TG: variants seen among roughly 807,000 people sequenced by gnomAD.
TG encodes thyroglobulin.
TG carries 270 observed loss-of-function variants against 324.7 expected under a neutral mutation model. The observed-to-expected ratio is 0.83, with a 90% CI of 0.75 to 0.92. The LOEUF (loss-of-function observed/expected upper bound fraction) is 0.92. Ranked by LOEUF, TG falls within the 40% of genes least tolerant of loss-of-function variation. The pLI is 0.00. For synonymous variants in TG, 1,401 were observed against 1,327.0 expected, an observed-to-expected ratio of 1.06 and a Z score of -1.21; for missense variants, 3,591 against 3,456.4, an observed-to-expected ratio of 1.04 and a Z score of -0.98.
At chr8:132,898,387 A>G in intron 13 of TG, 141 bp downstream of exon 13, 1 of 835,184 alleles carries the variant, frequency 1.2e-6, no homozygotes, top group Non-Finnish European at 2.0e-6. Flanking sequence ...CGCATTTCCC[A>G]AGTCCCCAGG....
intron 20 of TG, among the ~76,000 whole-genome samples, chr8:132,915,540 G>T (rs1192986351): frequency 6.6e-6 from 1 of 152,136 alleles, no homozygotes. Context: ...CACAGGATGG[G>T]GCGTAGGGAA....
In TG at chr8:132,977,439, A is replaced by G. The variant is rs542317383; in HGVS notation, c.6199+4698A>G. On this transcript the variant is annotated intron_variant, in intron 34 of 47. Transcript: ENST00000220616. ...GTGACATCTATACTGAGTGATGACT[A>G]TGAGCCCATTAACACTATGTATTAG... 3.9e-5 allele frequency among the ~76,000 whole-genome samples: 6 copies of G among 152,280 alleles called. 1 individual carries two copies. In the South Asian group the frequency reaches 6.2e-4, roughly 16 times the overall value.
chr8:132,908,968 C>A (rs1819101901), intron 18 of TG, among the ~76,000 whole-genome samples: 1 of 152,026 alleles, frequency 6.6e-6, no homozygotes, highest in African/African-American at 2.4e-5. Flanking sequence ...TTAGTGTGAG[C>A]CATAAAATTG....
At chr8:133,065,768 T>TAATAAAATAAAATAA (rs60174705) in intron 41 of TG, among the ~76,000 whole-genome samples, 53 of 150,808 alleles carry the variant, frequency 3.5e-4, no homozygotes, top group African/African-American at 1.1e-3. Flanking sequence ...GTCTCAAAAA[T>TAATAAAATAAAATAA]AATAAAATAA....
chr8:133,060,200 C>G, intron 41 of TG: 1 of 1,613,454 alleles, frequency 6.2e-7, no homozygotes, highest in Non-Finnish European at 8.5e-7. Flanking sequence ...ATGCCCAGAG[C>G]CTGTGGTATA....
chr8:132,882,591 G>A lies in TG; in HGVS notation c.868G>A (p.Val290Ile). 1 of 1,614,232 alleles carries A rather than the reference G, an allele frequency of 6.2e-7. No individual in the cohort carries two copies. The highest frequency in any genetic ancestry group is 8.5e-7 in the Non-Finnish European group (1 of 1,180,046). The change falls in exon 7 of 48, where the codon GTC (valine) becomes ATC (isoleucine). Residue 290 changes from valine to isoleucine, a missense_variant. By Grantham distance (29) the Val-to-Ile change is conservative. Transcript: ENST00000220616. Reference sequence around the variant, plus strand: ...GAGACGGTTCCTCGCAGTTCAATCAGTCATCTCTGGCAGATTCCGATGTAA... The same window carrying A: ...GAGACGGTTCCTCGCAGTTCAATCAATCATCTCTGGCAGATTCCGATGTAA... Reference protein sequence around the residue: ...LQRRFLAVQSVISGRFRCPTK... With the variant: ...LQRRFLAVQSIISGRFRCPTK...
intron 35 of TG, among the ~76,000 whole-genome samples, chr8:132,985,110 C>A (rs1831362198): frequency 6.6e-6 from 1 of 152,130 alleles, no homozygotes; most frequent in Non-Finnish European, 1.5e-5. Context: ...GGTTCCATAG[C>A]CGTGTGTTCA....
intron 35 of TG, among the ~76,000 whole-genome samples, chr8:132,986,313 ATG>A (rs554903715): frequency 1.1e-4 from 16 of 150,890 alleles, no homozygotes; most frequent in African/African-American, 1.9e-4. Flanking sequence ...GTATATATAT[ATG>A]TGTGTGTGTG....
chr8:132,963,794 G>T (rs190277453), intron 29 of TG, among the ~76,000 whole-genome samples: 1 of 152,172 alleles, frequency 6.6e-6, no homozygotes, highest in African/African-American at 2.4e-5. Context: ...AGCCAGATCA[G>T]ACTGCTGGCA....
At chr8:133,045,463 C>T (rs1038948717) in intron 41 of TG, among the ~76,000 whole-genome samples, 7 of 136,970 alleles carry the variant, frequency 5.1e-5, no homozygotes, top group Admixed American at 4.9e-4. Context: ...GGTGCCATCT[C>T]AGCTCACTGC....
At chr8:132,933,160 C>T (rs1376316139) in intron 23 of TG, among the ~76,000 whole-genome samples, 2 of 124,358 alleles carry the variant, frequency 1.6e-5, no homozygotes, top group African/African-American at 6.2e-5. Flanking sequence ...TATATGTGTG[C>T]TTGTGGGGGT....
chr8:132,939,663 GTTTT>G (rs766831555), intron 25 of TG, among the ~76,000 whole-genome samples: 2 of 125,406 alleles, frequency 1.6e-5, no homozygotes, highest in Admixed American at 8.9e-5. Flanking sequence ...AGTCTATGGG[GTTTT>G]TTTTTTTTGT....
At chr8:132,969,707 T>C (rs1829201008) in intron 32 of TG, 138 bp downstream of exon 32, 1 of 697,424 alleles carries the variant, frequency 1.4e-6, no homozygotes, top group East Asian at 2.7e-5. Context: ...GGTCAAGAGA[T>C]CAAGACTATC....
chr8:133,118,319 CCTT>C (rs1157357899), intron 45 of TG, among the ~76,000 whole-genome samples: 2 of 127,724 alleles, frequency 1.6e-5, no homozygotes, highest in African/African-American at 3.0e-5. Context: ...ACAGATTCTT[CCTT>C]TTTTTTTTTT....
chr8:132,887,052 G>A lies in TG; in HGVS notation c.1680G>A (p.Glu560=), dbSNP rs1389707949. 3 of 1,614,064 alleles carry A rather than the reference G, an allele frequency of 1.9e-6. No homozygotes were observed. The highest frequency in any genetic ancestry group is 2.5e-6 in the Non-Finnish European group (3 of 1,180,032). The change falls in exon 9 of 48, where the codon GAG becomes GAA. Residue 560 remains glutamate (E), a synonymous_variant. Coordinates refer to ENST00000220616, the MANE Select transcript of TG (RefSeq NM_003235.5). ...GSFGFEINLQ[E]NQNALKFLAS... ...TTGGCTTTGAAATTAACCTACAAGAGAACCAAAATGCCCTCAAATTCCTTG... is the reference window on the plus strand; with the variant it reads ...TTGGCTTTGAAATTAACCTACAAGAAAACCAAAATGCCCTCAAATTCCTTG...
At chr8:133,113,642 A>G (rs778948729) in intron 44 of TG, 39 bp downstream of exon 44, 35 of 1,603,886 alleles carry the variant, frequency 2.2e-5, no homozygotes, top group Non-Finnish European at 2.6e-5. Flanking sequence ...TCCTACTGCT[A>G]TGTTTTGGAG....
chr8:132,869,860 C>T (rs1237273710), intron 3 of TG, 34 bp downstream of exon 3: 2 of 1,592,362 alleles, frequency 1.3e-6, no homozygotes, highest in Non-Finnish European at 1.7e-6. Flanking sequence ...CTTGGAGGGA[C>T]CCTGCTAGGA....
chr8:132,895,276 C>T (rs987410217), intron 11 of TG, among the ~76,000 whole-genome samples: 1 of 152,222 alleles, frequency 6.6e-6, no homozygotes, highest in African/African-American at 2.4e-5. Context: ...GACAGTCCTC[C>T]CCTGACAACA....
chr8:132,905,428 A>G (rs1818536648), intron 16 of TG, among the ~76,000 whole-genome samples: 1 of 152,202 alleles, frequency 6.6e-6, no homozygotes, highest in African/African-American at 2.4e-5. Flanking sequence ...TCTGGAGATC[A>G]AAATAGGTCA....
Sources: allele counts gnomAD v4.1 joint callset (sites outside exome capture counted in the v4.1 genomes callset), GRCh38; gene constraint gnomAD v4.1.1; transcripts MANE v1.5; gene names NCBI Gene and HGNC (gene_info 2026-07-23, HGNC 2026-07-21).